The following SLCO4A1 variants were observed in gnomAD, a reference collection of about 807,000 sequenced individuals.
SLCO4A1 encodes the protein solute carrier organic anion transporter family member 4A1.
SLCO4A1 carries 51 observed loss-of-function variants against 64.6 expected under a neutral mutation model. The observed-to-expected ratio is 0.79, with a 90% CI of 0.63 to 1.00. The LOEUF is 1.00. Ranked by LOEUF, SLCO4A1 falls within the 50% of genes least tolerant of loss-of-function variation. SLCO4A1 has a pLI of 0.00. For synonymous variants in SLCO4A1, 471 were observed against 444.9 expected (o/e 1.06, Z -0.74); for missense variants, 919 against 980.5 (o/e 0.94, Z 0.84).
At chr20:62,662,011 G>T (rs891120773) in intron 5 of SLCO4A1, among the ~76,000 whole-genome samples, 1 of 152,116 alleles carries the variant, frequency 6.6e-6, no homozygotes, top group Non-Finnish European at 1.5e-5. Context: ...GGAGACTCTT[G>T]TGCCCTTGTA....
At chr20:62,669,138 C>T (rs1986893149) in intron 11 of SLCO4A1, 60 bp downstream of exon 11, 1 of 1,531,028 alleles carries the variant, frequency 6.5e-7, no homozygotes, top group Admixed American at 1.7e-5. Context: ...GGGCTCCGAA[C>T]ATGCCGCGAT....
chr20:62,690,122 C>G (rs1486042474), downstream of SLCO4A1, among the ~76,000 whole-genome samples: 1 of 152,188 alleles, frequency 6.6e-6, no homozygotes, highest in South Asian at 2.1e-4. Context: ...CTCGGGTGCC[C>G]GCGATGGTCC....
Position 62,671,972 on chromosome 20 carries a change from C to T in SLCO4A1, c.*79C>T, listed in dbSNP as rs772953435. On this transcript the variant is annotated 3_prime_UTR_variant, in exon 12 of 12. Coordinates refer to ENST00000217159, the MANE Select transcript of SLCO4A1 (RefSeq NM_016354.4). The stretch of plus-strand genomic sequence containing the variant: ...GAACAGTGCCGTTGGGTGATGCAAT[C>T]ACACGGGAACTTCTATTTGACCTGC... 1 of 1,599,060 alleles carries T rather than the reference C, an allele frequency of 6.3e-7. No individual in the cohort carries two copies. Among genetic ancestry groups the T allele is most frequent in the South Asian group, 1.1e-5 (1 of 91,018 alleles).
In SLCO4A1 at chr20:62,656,583, C is replaced by A. The variant is rs764622826; in HGVS notation, c.129C>A (p.Ser43=). The part of the protein sequence containing the change: ...ASPGTPLSPG[S]LRSAAHSPLD... ...CGGGCACACCCCTGAGCCCCGGCTCCCTCCGCTCCGCTGCCCATAGCCCCC... is the reference window on the plus strand; with the variant it reads ...CGGGCACACCCCTGAGCCCCGGCTCACTCCGCTCCGCTGCCCATAGCCCCC... The change falls in exon 2 of 12, where the codon TCC becomes TCA. Residue 43 remains serine, a synonymous_variant. Transcript: ENST00000217159. The A allele has an allele frequency of 6.3e-7, 1 of 1,592,278 alleles. No individual in the cohort carries two copies. The highest frequency in any genetic ancestry group is 1.1e-5 in the South Asian group (1 of 88,670).
chr20:62,683,927 G>A (rs1404062983), intron 2 of SLCO4A1, among the ~76,000 whole-genome samples: 1 of 144,804 alleles, frequency 6.9e-6, no homozygotes, highest in East Asian at 2.1e-4. Context: ...GATCTCACGT[G>A]ACCACGCGCT....
intron 1 of SLCO4A1, among the ~76,000 whole-genome samples, chr20:62,653,708 G>A (rs568557424): frequency 2.6e-5 from 4 of 152,280 alleles, no homozygotes; most frequent in South Asian, 4.1e-4. Flanking sequence ...TCCCAAATTC[G>A]GGGGCATATG....
rs1055237363 is a variant in SLCO4A1 at position 62,657,322 on chromosome 20, G to A, written c.796+72G>A. The A allele has an allele frequency of 2.5e-5, 33 of 1,345,118 alleles. No homozygotes were observed. In the African/African-American group the frequency reaches 3.9e-4, roughly 16 times the overall value. 83.3% of individuals were successfully genotyped at this position (1,345,118 alleles called of 1,614,324 possible). ...AGTGTTGCAGGAGTGAGGGTAACTG[G>A]CCGGAGCCAGCCCCGCCCCCTGCCT... On this transcript the variant is annotated intron_variant, in intron 2 of 11. Coordinates refer to ENST00000217159, the MANE Select transcript of SLCO4A1 (RefSeq NM_016354.4).
chr20:62,658,865 C>A, intron 3 of SLCO4A1, 98 bp downstream of exon 3: 2 of 1,086,664 alleles, frequency 1.8e-6, no homozygotes, highest in Non-Finnish European at 2.7e-6. Context: ...TCAGGCCGGG[C>A]GCGGCGCAGG....
Position 62,656,368 on chromosome 20 carries a change from G to A in SLCO4A1, c.-87G>A, listed in dbSNP as rs1208120843. On this transcript the variant is annotated 5_prime_UTR_variant, in exon 2 of 12. Coordinates refer to ENST00000217159, the MANE Select transcript of SLCO4A1 (RefSeq NM_016354.4). ...GACATTCTTCTCACAGGACACACCAGCCCCTCGGATACCACTTGGCCACTC... is the reference window on the plus strand; with the variant it reads ...GACATTCTTCTCACAGGACACACCAACCCCTCGGATACCACTTGGCCACTC... 2 of 1,149,258 alleles carry A rather than the reference G, an allele frequency of 1.7e-6. No individual in the cohort carries two copies. Among genetic ancestry groups the A allele is most frequent in the African/African-American group, 3.1e-5 (2 of 64,296 alleles). 71.2% of individuals were successfully genotyped at this position (1,149,258 alleles called of 1,614,324 possible). A position where few individuals can be genotyped will look rare whatever the true frequency, so the allele number is the denominator to read the frequency against.
chr20:62,674,151 C>T (rs922899707), downstream of SLCO4A1, among the ~76,000 whole-genome samples: 4 of 152,198 alleles, frequency 2.6e-5, no homozygotes, highest in Non-Finnish European at 5.9e-5. Context: ...AGCTACGTCC[C>T]GTGGTCCCAG....
At position 62,664,921 on chromosome 20, in the gene SLCO4A1, C is replaced by A. The variant is rs1419564570; in HGVS notation, c.1122-13C>A. The A allele has an allele frequency of 1.3e-6, 2 of 1,587,154 alleles. No individual in the cohort carries two copies. Among genetic ancestry groups the A allele is most frequent in the African/African-American group, 2.7e-5 (2 of 73,938 alleles). ...ACCCTCAGTCTCTTCTCCACACCCC[C>A]ACCTCTGCCCAGCTCCATCTGGCTC... On this transcript the variant is annotated splice_polypyrimidine_tract_variant and intron_variant, in intron 5 of 11. Coordinates refer to ENST00000217159, the MANE Select transcript of SLCO4A1 (RefSeq NM_016354.4).
At chr20:62,685,984 C>T (rs1266194099), downstream of SLCO4A1, among the ~76,000 whole-genome samples, 2 of 152,166 alleles carry the variant, frequency 1.3e-5, no homozygotes, top group African/African-American at 4.8e-5. The surrounding 1 kb of genome is among the most constrained non-coding windows in gnomAD (Gnocchi z 4.6). Flanking sequence ...ACAGAACATA[C>T]CATGATGAGA....
chr20:62,683,391 G>A (rs1225832475), intron 2 of SLCO4A1, among the ~76,000 whole-genome samples: 3 of 152,092 alleles, frequency 2.0e-5, no homozygotes, highest in East Asian at 1.9e-4. Context: ...CATCACTCTC[G>A]GTGGGGGCAC....
chr20:62,686,968 G>A (rs1289378483), downstream of SLCO4A1, among the ~76,000 whole-genome samples: 5 of 149,276 alleles, frequency 3.3e-5, no homozygotes, highest in African/African-American at 5.0e-5. Flanking sequence ...AGGCACAATG[G>A]GAACGGCACC....
chr20:62,660,969 G>T, intron 4 of SLCO4A1, 95 bp from the exon 5 acceptor site: 2 of 842,380 alleles, frequency 2.4e-6, no homozygotes, highest in Non-Finnish European at 1.9e-6. Context: ...CCCAGACCGG[G>T]GAGGGGCAGA....
Position 62,661,360 on chromosome 20 carries a change from G to A in SLCO4A1, c.1121+185G>A, listed in dbSNP as rs575382952. Among the ~76,000 whole-genome samples the A allele has an allele frequency of 4.6e-5, 7 of 152,226 alleles. No individual in the cohort carries two copies. Among genetic ancestry groups the A allele is most frequent in the East Asian group, 1.9e-4 (1 of 5,170 alleles). ...CTCTGGGCCAGGGGCCGCAGACCCC[G>A]CCTCAGGGCTGCAGAGCCGTGGGAG... On this transcript the variant is annotated intron_variant, in intron 5 of 11. Coordinates refer to ENST00000217159, the MANE Select transcript of SLCO4A1 (RefSeq NM_016354.4). This position sits in a 1 kb window ranked among gnomAD's most constrained non-coding sequence, Gnocchi z 5.2.
rs983135692 is a variant in SLCO4A1 at position 62,644,109 on chromosome 20, G to C, written c.-97+1556G>C. 6.6e-6 allele frequency among the ~76,000 whole-genome samples: 1 copy of C among 152,224 alleles called. No homozygotes were observed. Among genetic ancestry groups the C allele is most frequent in the African/African-American group, 2.4e-5 (1 of 41,446 alleles). ...CCAAGAGCTGGGCCTGCGGTTACTG[G>C]GCCAGAGTGTCTGTTCTGGGTTGTC... On this transcript the variant is annotated intron_variant, in intron 1 of 11. Coordinates refer to ENST00000217159, the MANE Select transcript of SLCO4A1 (RefSeq NM_016354.4). The surrounding 1 kb of genome is among the most constrained non-coding windows in gnomAD (Gnocchi z 5.4).
At position 62,677,635 on chromosome 20, in the gene SLCO4A1, T is replaced by C. The variant is rs534629983; in HGVS notation, n.212-7806T>C. ...CTCCAACCCCACTGAGGCAGATATT[T>C]TCCAACAACGGCCACAATATGTCCC... On this transcript the variant is annotated intron_variant and non_coding_transcript_variant, in intron 2 of 2. Transcript: ENST00000466818. Among the ~76,000 whole-genome samples, 4 of 152,332 alleles carry C rather than the reference T, an allele frequency of 2.6e-5. No individual in the cohort carries two copies. In the East Asian group the frequency reaches 5.8e-4, roughly 22 times the overall value.
chr20:62,647,164 A>G (rs972829884), intron 1 of SLCO4A1, among the ~76,000 whole-genome samples: 3 of 152,252 alleles, frequency 2.0e-5, no homozygotes, highest in Non-Finnish European at 2.9e-5. Context: ...AAAGAAGTGA[A>G]AGCTCCTTTC....
Sources: gnomAD v4.1 joint callset for allele counts (sites outside exome capture counted in the v4.1 genomes callset) on GRCh38, gnomAD v4.1.1 for gene constraint, Gnocchi (gnomAD v3.1) non-coding constraint, MANE v1.5 for transcripts, NCBI Gene and HGNC (gene_info 2026-07-23, HGNC 2026-07-21) for gene names.